The following DRC7 variants were observed in gnomAD, a reference collection of about 807,000 sequenced individuals.
DRC7 encodes the protein dynein regulatory complex subunit 7, also known as coiled-coil domain containing 135.
DRC7 carries 80 observed loss-of-function variants against 104.4 expected under a neutral mutation model. The observed-to-expected ratio is 0.77, with a 90% CI of 0.64 to 0.92. The LOEUF is 0.92. Among genes scored for constraint, DRC7 ranks in the 40% least tolerant of loss-of-function variants. DRC7 has a pLI of 0.00. For missense variants in DRC7, 1,034 were observed against 1,141.1 expected, an observed-to-expected ratio of 0.91 and a Z score of 1.35; for synonymous variants, 405 against 447.3, an observed-to-expected ratio of 0.91 and a Z score of 1.19.
intron 2 of DRC7, 28 bp from the exon 3 acceptor site, chr16:57,697,885 C>T: frequency 6.4e-7 from 1 of 1,563,186 alleles, no homozygotes; most frequent in Non-Finnish European, 8.7e-7. Context: ...GACAGTCGGC[C>T]ATGGAGTATA....
Position 57,723,274 on chromosome 16 carries a change from C to T in DRC7, c.1537+144C>T, listed in dbSNP as rs2048925609. 7 of 937,346 alleles carry T rather than the reference C, an allele frequency of 7.5e-6. No homozygotes were observed. The South Asian group carries it at 1.0e-4, about 14-fold the overall frequency. 58.1% of individuals were successfully genotyped at this position (937,346 alleles called of 1,614,324 possible). ...CAGCAAGCAGTAGAAGCTGCCCTGC[C>T]TCCCTCAGCAAACCCGATGTGTGGG... On this transcript the variant is annotated intron_variant, in intron 12 of 18. Transcript: ENST00000360716.
chr16:57,719,628 G>A (rs2048882694), intron 9 of DRC7, among the ~76,000 whole-genome samples: 1 of 152,124 alleles, frequency 6.6e-6, no homozygotes, highest in South Asian at 2.1e-4. Flanking sequence ...TTCCACTTTG[G>A]CCTCTGGAGT....
intron 5 of DRC7, among the ~76,000 whole-genome samples, chr16:57,700,770 A>G (rs747525526): frequency 2.1e-4 from 32 of 151,960 alleles, no homozygotes; most frequent in Admixed American, 3.9e-4. Context: ...CACCCAGCAT[A>G]GTTTTAACAA....
intron 8 of DRC7, among the ~76,000 whole-genome samples, chr16:57,715,523 T>G (rs569551428): frequency 6.6e-6 from 1 of 152,368 alleles, no homozygotes; most frequent in Non-Finnish European, 1.5e-5. Flanking sequence ...AACTTCTGCC[T>G]TCAGCAAAGG....
chr16:57,700,422 G>C (rs1188452375), intron 5 of DRC7, 152 bp downstream of exon 5: 9 of 972,588 alleles, frequency 9.3e-6, no homozygotes, highest in Non-Finnish European at 1.3e-5. Context: ...GCCAAGGCGG[G>C]CAGATCACAA....
Position 57,697,978 on chromosome 16 carries a change from AGGAGGAGGAGGCCGAGCG to A in DRC7, c.38_55del (p.Glu13_Glu18del). ...GAGGTCCTGAGGGAGAAGGTGGAGG[AGGAGGAGGAGGCCGAGCG>A]GGAGGAGGCGGCCGAGTGGGCTGAA... On this transcript the variant is annotated inframe_deletion, in exon 3 of 19. Transcript: ENST00000360716. The A allele has an allele frequency of 6.2e-7, 1 of 1,613,036 alleles. No individual in the cohort carries two copies. The highest frequency in any genetic ancestry group is 8.5e-7 in the Non-Finnish European group (1 of 1,179,922).
Position 57,704,101 on chromosome 16 carries a change from C to T in DRC7, c.700-775C>T, listed in dbSNP as rs138182805. On this transcript the variant is annotated intron_variant, in intron 6 of 18. Coordinates refer to ENST00000360716, the MANE Select transcript of DRC7 (RefSeq NM_001289162.2). ...AGAGAACTTTCGGGTTTAAAATCCG[C>T]TTTCATGTCCATTGTGCTTGTTGCT... is the stretch of plus-strand genomic sequence containing the variant. Among the ~76,000 whole-genome samples, 631 of 152,068 alleles carry T rather than the reference C, an allele frequency of 4.1e-3. 7 individuals are homozygous for T. Among genetic ancestry groups the T allele is most frequent in the African/African-American group, 0.014 (580 of 41,474 alleles).
rs116261347 is a variant in DRC7 at position 57,701,737 on chromosome 16, A to C, written c.505-199A>C. The C allele has an allele frequency of 6.8e-3, 3,874 of 568,060 alleles. 131 individuals carry two copies. Among genetic ancestry groups the C allele is most frequent in the African/African-American group, 0.065 (3,475 of 53,198 alleles). The allele number at this position is 568,060 out of a possible 1,614,324, so 35.2% of individuals were successfully genotyped here. A position where few individuals can be genotyped will look rare whatever the true frequency, so the allele number is the denominator to read the frequency against. On this transcript the variant is annotated intron_variant, in intron 5 of 18. Transcript: ENST00000360716. ...CCATAGCCCCTTCAAATGACAGGCA[A>C]ATGTGAATGGCATGGTGTCTGGTTG... is the stretch of plus-strand genomic sequence containing the variant.
rs750898433 is a variant in DRC7 at position 57,723,020 on chromosome 16, T to C, written c.1427T>C (p.Ile476Thr). 4.3e-6 allele frequency: 7 copies of C among 1,613,748 alleles called. No individual in the cohort carries two copies. The highest frequency in any genetic ancestry group is 1.7e-5 in the Admixed American group (1 of 59,994). The change falls in exon 12 of 19, where the codon ATA (isoleucine) becomes ACA (threonine). Residue 476 changes from isoleucine to threonine, a missense_variant. Ile to Thr is a moderately conservative substitution (Grantham distance 89). Coordinates refer to ENST00000360716, the MANE Select transcript of DRC7 (RefSeq NM_001289162.2). The part of the protein sequence containing the change: ...EDLQCTNILE[I>T]KEWYQNREDM... ...CCCACAGGTACCAATATTTTGGAGATAAAGGAGTGGTACCAGAACCGGGAA... is the reference window on the plus strand; with the variant it reads ...CCCACAGGTACCAATATTTTGGAGACAAAGGAGTGGTACCAGAACCGGGAA...
intron 2 of DRC7, among the ~76,000 whole-genome samples, 194 bp downstream of exon 2, chr16:57,696,788 C>G (rs758916469): frequency 6.6e-6 from 1 of 152,224 alleles, no homozygotes; most frequent in Admixed American, 6.5e-5. Flanking sequence ...GGTGCAGGCA[C>G]CTTCACTCTC....
intron 10 of DRC7, 89 bp from the exon 11 acceptor site, chr16:57,722,624 C>T (rs188565737): frequency 4.0e-4 from 614 of 1,545,606 alleles, no homozygotes; most frequent in Non-Finnish European, 5.1e-4. Flanking sequence ...ACACAGAGAA[C>T]GGGCAGTGGA....
Position 57,726,034 on chromosome 16 carries a change from C to A in DRC7, c.1759-34C>A, listed in dbSNP as rs1474186433. On this transcript the variant is annotated intron_variant, in intron 13 of 18. Transcript: ENST00000360716. ...AGAAATCTCCTCTCACACGCTCATC[C>A]TTTGCTCATCCTTTGCATGTTCTGG... is the stretch of plus-strand genomic sequence containing the variant. 1.9e-6 allele frequency: 3 copies of A among 1,579,434 alleles called. No individual in the cohort carries two copies. The East Asian group carries it at 6.8e-5, about 36-fold the overall frequency.
intron 15 of DRC7, 131 bp downstream of exon 15, chr16:57,727,073 A>G (rs2048977837): frequency 7.5e-6 from 5 of 669,996 alleles, no homozygotes; most frequent in Non-Finnish European, 1.0e-5. Context: ...TGGTCCTCCC[A>G]CCTCATCCTC....
intron 8 of DRC7, among the ~76,000 whole-genome samples, chr16:57,713,014 A>G (rs2048805081): frequency 6.6e-6 from 1 of 152,216 alleles, no homozygotes; most frequent in South Asian, 2.1e-4. Context: ...GATATTTAGA[A>G]ACTCTCTAGA....
chr16:57,729,590 GTGGA>G lies in DRC7; in HGVS notation c.2391+1018_2391+1021del, dbSNP rs1251173635. Among the ~76,000 whole-genome samples the G allele has an allele frequency of 2.5e-3, 146 of 58,230 alleles. 18 individuals carry two copies. Among genetic ancestry groups the G allele is most frequent in the African/African-American group, 0.024 (130 of 5,372 alleles). 38.2% of individuals were successfully genotyped at this position (58,230 alleles called of 152,430 possible). A position where few individuals can be genotyped will look rare whatever the true frequency, so the allele number is the denominator to read the frequency against. On this transcript the variant is annotated intron_variant, in intron 17 of 18. Transcript: ENST00000360716. ...GGTGGGTGGATGGATGAGTGGGTGG[GTGGA>G]TGGATGGATGGGTGAGTGAGTGGGT...
At chr16:57,716,356 A>C (rs1287542450) in intron 8 of DRC7, among the ~76,000 whole-genome samples, 7 of 152,070 alleles carry the variant, frequency 4.6e-5, no homozygotes, top group Admixed American at 1.3e-4. Context: ...TACACAAATT[A>C]GCTGGGTGTG....
intron 12 of DRC7, among the ~76,000 whole-genome samples, chr16:57,723,797 T>TA (rs2048933532): frequency 7.0e-6 from 1 of 143,140 alleles, no homozygotes; most frequent in Non-Finnish European, 1.5e-5. Flanking sequence ...ACATTTTTTT[T>TA]AAATGATCAA....
intron 13 of DRC7, among the ~76,000 whole-genome samples, chr16:57,725,182 T>C (rs1275401162): frequency 2.0e-5 from 3 of 151,258 alleles, no homozygotes; most frequent in Admixed American, 6.6e-5. Context: ...AAAGGGTCCT[T>C]TTCACTAGAA....
At position 57,704,729 on chromosome 16, in the gene DRC7, C is replaced by A. The variant is rs1243837475; in HGVS notation, c.700-147C>A. The A allele has an allele frequency of 9.1e-6, 7 of 765,970 alleles. No homozygotes were observed. In the East Asian group the frequency reaches 1.9e-4, roughly 21 times the overall value. 47.4% of individuals were successfully genotyped at this position (765,970 alleles called of 1,614,324 possible). On this transcript the variant is annotated intron_variant, in intron 6 of 18. Coordinates refer to ENST00000360716, the MANE Select transcript of DRC7 (RefSeq NM_001289162.2). Reference sequence around the variant, plus strand: ...TCCCAAGGTCATGGAGCTGGAGCTGCATTTAGAGCCAGAAAGGCCACAGGC... The same window carrying A: ...TCCCAAGGTCATGGAGCTGGAGCTGAATTTAGAGCCAGAAAGGCCACAGGC...
Sources: allele counts gnomAD v4.1 joint callset (sites outside exome capture counted in the v4.1 genomes callset), GRCh38; gene constraint gnomAD v4.1.1; transcripts MANE v1.5; gene names NCBI Gene and HGNC (gene_info 2026-07-23, HGNC 2026-07-21).